The following RYR3 variants were observed in gnomAD, a reference collection of about 807,000 sequenced individuals.
The protein encoded by RYR3 is ryanodine receptor 3.
In RYR3, 207 loss-of-function variants were observed where a neutral mutation model predicts 584.3. The ratio of observed to expected loss-of-function variants is 0.35; its 90% CI spans 0.32 to 0.40. The LOEUF is 0.40. RYR3 is among the 10% of genes least tolerant of loss of function. The probability of loss-of-function intolerance (pLI) is 1.00; values close to 1 mark genes in which losing one functional copy is unlikely to be tolerated. For synonymous variants in RYR3, 2,416 were observed against 2,248.5 expected (o/e 1.07, Z -2.11); for missense variants, 5,616 against 6,089.2 (o/e 0.92, Z 2.59).
At chr15:33,450,392 C>G (rs1170968559) in intron 1 of RYR3, among the ~76,000 whole-genome samples, 1 of 152,106 alleles carries the variant, frequency 6.6e-6, no homozygotes, top group African/African-American at 2.4e-5. Flanking sequence ...CCACCAAGCC[C>G]CAGGCTGTAC....
chr15:33,729,251 GT>G (rs992842836), intron 47 of RYR3, among the ~76,000 whole-genome samples: 1 of 152,176 alleles, frequency 6.6e-6, no homozygotes, highest in South Asian at 2.1e-4. Flanking sequence ...CAATTGCAGA[GT>G]TTTTTTAACC....
intron 41 of RYR3, among the ~76,000 whole-genome samples, chr15:33,700,290 C>T (rs1199386808): frequency 1.3e-5 from 2 of 152,140 alleles, no homozygotes; most frequent in Non-Finnish European, 1.5e-5. Flanking sequence ...CTTTCCTTAG[C>T]GGGGAGGCAG....
chr15:33,852,946 G>C, intron 94 of RYR3, 99 bp from the exon 95 acceptor site: 7 of 1,049,354 alleles, frequency 6.7e-6, no homozygotes, highest in South Asian at 5.6e-5. Flanking sequence ...ACACAAACCA[G>C]AAAGATCCCA....
chr15:33,435,860 G>A (rs1312741624), intron 1 of RYR3, among the ~76,000 whole-genome samples: 1 of 152,202 alleles, frequency 6.6e-6, no homozygotes, highest in South Asian at 2.1e-4. Flanking sequence ...CCACAGCGTG[G>A]CAAGGAACCC....
intron 19 of RYR3, among the ~76,000 whole-genome samples, chr15:33,618,682 T>C (rs2060571177): frequency 6.6e-6 from 1 of 152,218 alleles, no homozygotes; most frequent in Non-Finnish European, 1.5e-5. Context: ...ATCCCAGCTC[T>C]CTGGGAGGAA....
chr15:33,329,586 C>T (rs1013936521), intron 1 of RYR3, among the ~76,000 whole-genome samples: 4 of 151,798 alleles, frequency 2.6e-5, no homozygotes, highest in Non-Finnish European at 4.4e-5. Flanking sequence ...GCATCTTTGT[C>T]GAAAGAACTG....
chr15:33,505,938 T>G (rs966328601), intron 3 of RYR3, among the ~76,000 whole-genome samples: 1 of 152,202 alleles, frequency 6.6e-6, no homozygotes, highest in African/African-American at 2.4e-5. Context: ...AGGATAGAAA[T>G]TAAGAAGACA....
At chr15:33,418,112 G>A (rs952900823) in intron 1 of RYR3, among the ~76,000 whole-genome samples, 26 of 152,102 alleles carry the variant, frequency 1.7e-4, no homozygotes, top group African/African-American at 6.3e-4. Context: ...ATTCATTGGG[G>A]ATATTGGACT....
At chr15:33,648,777 A>G (rs904491617) in intron 30 of RYR3, among the ~76,000 whole-genome samples, 1 of 152,160 alleles carries the variant, frequency 6.6e-6, no homozygotes, top group African/African-American at 2.4e-5. Flanking sequence ...GCTTCCATCC[A>G]CAGCATCTCC....
At chr15:33,465,704 G>T (rs1167978955) in intron 1 of RYR3, 1 of 518,890 alleles carries the variant, frequency 1.9e-6, no homozygotes, top group Admixed American at 1.9e-5. Context: ...AAGTTTGGAG[G>T]TGATTACAAT....
chr15:33,351,358 T>C (rs1973224287), intron 1 of RYR3, among the ~76,000 whole-genome samples: 2 of 152,206 alleles, frequency 1.3e-5, no homozygotes, highest in Admixed American at 1.3e-4. Flanking sequence ...CCATTCCTTC[T>C]GAAACTATTC....
rs983428931 is a variant in RYR3 at position 33,390,601 on chromosome 15, G to T, written c.51+79505G>T. 2.0e-5 allele frequency among the ~76,000 whole-genome samples: 3 copies of T among 152,100 alleles called. No individual in the cohort carries two copies. The highest frequency in any genetic ancestry group is 4.4e-5 in the Non-Finnish European group (3 of 68,010). ...GGCATGAGGAGGCTATGTTTAGAAG[G>T]GTCTGTCTGCAAGGGTGGGGGTCTT... On this transcript the variant is annotated intron_variant, in intron 1 of 103. Transcript: ENST00000634891. This position sits in a 1 kb window ranked among gnomAD's most constrained non-coding sequence, Gnocchi z 4.2.
At chr15:33,828,207 C>T (rs1012414719) in intron 85 of RYR3, among the ~76,000 whole-genome samples, 2 of 152,198 alleles carry the variant, frequency 1.3e-5, no homozygotes, top group African/African-American at 4.8e-5. Flanking sequence ...CTTAATGTTG[C>T]ATGTGTTCTC....
chr15:33,732,218 A>T (rs1040841107), intron 48 of RYR3, among the ~76,000 whole-genome samples: 1 of 146,392 alleles, frequency 6.8e-6, no homozygotes, highest in African/African-American at 2.5e-5. Flanking sequence ...CATCTCTACT[A>T]AAAATACAAA....
intron 36 of RYR3, among the ~76,000 whole-genome samples, chr15:33,668,590 G>T (rs2063629348): frequency 6.6e-6 from 1 of 152,130 alleles, no homozygotes; most frequent in African/African-American, 2.4e-5. Context: ...TAAAGCAACA[G>T]GGATAGGACA....
In RYR3 at chr15:33,668,303, C is replaced by T. The variant is rs566797403; in HGVS notation, c.5620-1051C>T. On this transcript the variant is annotated intron_variant, in intron 36 of 103. Transcript: ENST00000634891. ...CTGCACTCCAGCCTGGGCAACAGAG[C>T]GAGACTCTGTCTCAAAAAAACAAAC... Among the ~76,000 whole-genome samples, 6 of 152,006 alleles carry T rather than the reference C, an allele frequency of 3.9e-5. No individual in the cohort carries two copies. The South Asian group carries it at 1.2e-3, about 32-fold the overall frequency.
Position 33,662,432 on chromosome 15 carries a change from C to T in RYR3, c.4902C>T (p.Thr1634=), listed in dbSNP as rs2063220998. ...MMKNEYIIPI[T]STTRNIRLFP... ...AGAACGAGTACATCATCCCCATTAC[C>T]AGCACCACCAGGAATATCCGCCTCT... Residue 1634 remains threonine (T), a synonymous_variant, in exon 35 of 104, where the codon ACC becomes ACT. Transcript: ENST00000634891. 2 of 1,613,844 alleles carry T rather than the reference C, an allele frequency of 1.2e-6. No individual in the cohort carries two copies. Among genetic ancestry groups the T allele is most frequent in the African/African-American group, 2.7e-5 (2 of 74,924 alleles).
At chr15:33,803,363 T>C (rs1347335732) in intron 69 of RYR3, among the ~76,000 whole-genome samples, 1 of 152,234 alleles carries the variant, frequency 6.6e-6, no homozygotes, top group Non-Finnish European at 1.5e-5. Flanking sequence ...TGTCATATGA[T>C]GTAGACGAGG....
rs1465821875 is a variant in RYR3, at chr15:33,457,178, C to CATACAAAG, written c.52-16238_52-16237insCAAAGATA. ...TGCCAAAAGAAAATTAAGATACATA[C>CATACAAAG]ATATTAGCTTTGAAACATTATTTAG... On this transcript the variant is annotated intron_variant, in intron 1 of 103. Transcript: ENST00000634891. Among the ~76,000 whole-genome samples the CATACAAAG allele has an allele frequency of 6.6e-5, 10 of 152,280 alleles. 2 individuals are homozygous for CATACAAAG. In the East Asian group the frequency reaches 1.4e-3, roughly 21 times the overall value.
Sources: gnomAD v4.1 joint callset for allele counts (sites outside exome capture counted in the v4.1 genomes callset) on GRCh38, gnomAD v4.1.1 for gene constraint, Gnocchi (gnomAD v3.1) non-coding constraint, MANE v1.5 for transcripts, NCBI Gene and HGNC (gene_info 2026-07-23, HGNC 2026-07-21) for gene names.